The following NFKB2 variants were observed in gnomAD, a reference collection of about 807,000 sequenced individuals.
NFKB2 encodes the protein nuclear factor kappa B subunit 2, also known as nuclear factor NF-kappa-B p100 subunit.
A neutral mutation model predicts 109.3 loss-of-function variants in NFKB2; 21 were observed. The ratio of observed to expected loss-of-function variants is 0.19; its 90% CI spans 0.14 to 0.28. The LOEUF is 0.28. NFKB2 is among the 10% of genes least tolerant of loss of function. The pLI is 1.00. For missense variants in NFKB2, 806 were observed against 1,185.3 expected (o/e 0.68, Z 4.70); for synonymous variants, 478 against 489.9 (o/e 0.98, Z 0.32).
Position 102,396,536 on chromosome 10 carries a change from C to T in NFKB2, c.144+47C>T. ...TGTGGAATGGCTTCAGCTTTGGGGA[C>T]AAATGGGGTAGTGGTAGCTGGCTGG... On this transcript the variant is annotated intron_variant, in intron 4 of 22. Coordinates refer to ENST00000661543, the MANE Select transcript of NFKB2 (RefSeq NM_001322934.2). The surrounding 1 kb of genome is among the most constrained non-coding windows in gnomAD (Gnocchi z 5.9). 1 of 1,612,868 alleles carries T rather than the reference C, an allele frequency of 6.2e-7. No individual in the cohort carries two copies. The highest frequency in any genetic ancestry group is 8.5e-7 in the Non-Finnish European group (1 of 1,179,724).
chr10:102,400,632 G>A lies in NFKB2; in HGVS notation c.1799-23G>A. 2 of 1,612,470 alleles carry A rather than the reference G, an allele frequency of 1.2e-6. No homozygotes were observed. Among genetic ancestry groups the A allele is most frequent in the East Asian group, 2.2e-5 (1 of 44,830 alleles). ...GGCTGCCTTAAGGGTCACAGCTGCA[G>A]GTTGAGCATCCTGCATCCTTAGGAC... On this transcript the variant is annotated intron_variant, in intron 16 of 22. Transcript: ENST00000661543. This position sits in a 1 kb window ranked among gnomAD's most constrained non-coding sequence, Gnocchi z 6.3.
At chr10:102,395,420 G>A (rs893103606), upstream of NFKB2, among the ~76,000 whole-genome samples, 1 of 152,208 alleles carries the variant, frequency 6.6e-6, no homozygotes, top group Non-Finnish European at 1.5e-5. Flanking sequence ...CTCCAGACCG[G>A]GGGAGGGGAG....
Position 102,400,633 on chromosome 10 carries a change from G to A in NFKB2, c.1799-22G>A, listed in dbSNP as rs189331440. ...GCTGCCTTAAGGGTCACAGCTGCAG[G>A]TTGAGCATCCTGCATCCTTAGGACT... On this transcript the variant is annotated intron_variant, in intron 16 of 22. Transcript: ENST00000661543. This position sits in a 1 kb window ranked among gnomAD's most constrained non-coding sequence, Gnocchi z 6.3. 1.7e-4 allele frequency: 282 copies of A among 1,612,526 alleles called. No individual in the cohort carries two copies. In the Middle Eastern group the frequency reaches 2.1e-3, roughly 12 times the overall value.
rs2061205907 is a variant in NFKB2 at position 102,400,221 on chromosome 10, G to A, written c.1584+27G>A. The A allele has an allele frequency of 1.2e-6, 2 of 1,613,816 alleles. No homozygotes were observed. Among genetic ancestry groups the A allele is most frequent in the Admixed American group, 1.7e-5 (1 of 60,010 alleles). ...TGCGGGGGCGCCTACTGGGGAGGTG[G>A]GAGGGGTTGGAAGGCAAGTGGGTCT... is the stretch of plus-strand genomic sequence containing the variant. On this transcript the variant is annotated intron_variant, in intron 15 of 22. Transcript: ENST00000661543. The surrounding 1 kb of genome is among the most constrained non-coding windows in gnomAD (Gnocchi z 6.3).
intron 14 of NFKB2, 94 bp downstream of exon 14, chr10:102,399,812 G>A: frequency 7.0e-7 from 1 of 1,420,990 alleles, no homozygotes; most frequent in Non-Finnish European, 9.2e-7. Context: ...GACACGCCAG[G>A]CTTCAAGTCC....
Position 102,398,731 on chromosome 10 carries a change from G to GC in NFKB2, c.992-3dup. 5 of 1,612,202 alleles carry GC rather than the reference G, an allele frequency of 3.1e-6. No individual in the cohort carries two copies. Among genetic ancestry groups the GC allele is most frequent in the Non-Finnish European group, 4.2e-6 (5 of 1,180,002 alleles). On this transcript the variant is annotated splice_region_variant and splice_polypyrimidine_tract_variant and intron_variant, in intron 11 of 22. Coordinates refer to ENST00000661543, the MANE Select transcript of NFKB2 (RefSeq NM_001322934.2). This position sits in a 1 kb window ranked among gnomAD's most constrained non-coding sequence, Gnocchi z 6.6. ...ACTGGGCTCAATCTCATTTTCCTCT[G>GC]CCCCCAGACAAGGAAGAGGTGCAGC...
rs367930950 is a variant in NFKB2, at chr10:102,397,573, G to A, written c.549G>A (p.Lys183=). 1.9e-6 allele frequency: 3 copies of A among 1,613,920 alleles called. No homozygotes were observed. The highest frequency in any genetic ancestry group is 2.5e-6 in the Non-Finnish European group (3 of 1,179,906). The change falls in exon 8 of 23, where the codon AAG becomes AAA. Residue 183 remains lysine (K), a synonymous_variant. Coordinates refer to ENST00000661543, the MANE Select transcript of NFKB2 (RefSeq NM_001322934.2). This position sits in a 1 kb window ranked among gnomAD's most constrained non-coding sequence, Gnocchi z 4.7. ...AGCAAGAGGCCAAAGAACTGAAGAA[G>A]GTGATGGATCTGAGTATAGTGCGGC... ...ELEQEAKELK[K]VMDLSIVRLR...
chr10:102,397,441 G>A lies in NFKB2; in HGVS notation c.502+33G>A, dbSNP rs1411761602. 8 of 1,507,512 alleles carry A rather than the reference G, an allele frequency of 5.3e-6. No individual in the cohort carries two copies. Among genetic ancestry groups the A allele is most frequent in the Non-Finnish European group, 7.3e-6 (8 of 1,099,004 alleles). 93.4% of individuals were successfully genotyped at this position (1,507,512 alleles called of 1,614,324 possible). A position where few individuals can be genotyped will look rare whatever the true frequency, so the allele number is the denominator to read the frequency against. On this transcript the variant is annotated intron_variant, in intron 7 of 22. Coordinates refer to ENST00000661543, the MANE Select transcript of NFKB2 (RefSeq NM_001322934.2). This position sits in a 1 kb window ranked among gnomAD's most constrained non-coding sequence, Gnocchi z 4.7. ...TGCAGGGGGTGGGTCGGGTATGGGTGCAGGGGGTGGGTGGGTCATGGGAGG... is the reference window on the plus strand; with the variant it reads ...TGCAGGGGGTGGGTCGGGTATGGGTACAGGGGGTGGGTGGGTCATGGGAGG...
Position 102,400,889 on chromosome 10 carries a change from G to T in NFKB2, c.1969-58G>T, listed in dbSNP as rs1028873745. 51 of 1,583,008 alleles carry T rather than the reference G, an allele frequency of 3.2e-5. No homozygotes were observed. The highest frequency in any genetic ancestry group is 4.0e-5 in the Non-Finnish European group (46 of 1,162,992). The stretch of plus-strand genomic sequence containing the variant: ...GTGGAGGGGCCAAAGATGGTGAAGG[G>T]GGGGGCTGGCCAAGGGGACCATGCT... On this transcript the variant is annotated intron_variant, in intron 17 of 22. Coordinates refer to ENST00000661543, the MANE Select transcript of NFKB2 (RefSeq NM_001322934.2). This position sits in a 1 kb window ranked among gnomAD's most constrained non-coding sequence, Gnocchi z 6.3.
At chr10:102,394,344 C>G (rs2061061137), upstream of NFKB2, 1 of 152,306 alleles carries the variant, frequency 6.6e-6, no homozygotes, top group Non-Finnish European at 1.5e-5. Flanking sequence ...CACCCCGCTC[C>G]CCGCCCTGAG....
Position 102,396,774 on chromosome 10 carries a change from TGCCCGGTGCCTCCAGTGAGAAGG to T in NFKB2, c.198_220del (p.Gly67LysfsTer10). The T allele has an allele frequency of 6.2e-7, 1 of 1,613,402 alleles. No individual in the cohort carries two copies. Among genetic ancestry groups the T allele is most frequent in the Non-Finnish European group, 8.5e-7 (1 of 1,179,374 alleles). On this transcript the variant is annotated frameshift_variant, in exon 5 of 23. Transcript: ENST00000661543. LOFTEE classifies it high-confidence loss of function. The surrounding 1 kb of genome is among the most constrained non-coding windows in gnomAD (Gnocchi z 5.9). The stretch of plus-strand genomic sequence containing the variant: ...TGTGAAGGCCCCTCCCATGGAGGAC[TGCCCGGTGCCTCCAGTGAGAAGG>T]GCCGAAAGACCTATCCCACTGTCAA...
Position 102,400,754 on chromosome 10 carries a change from G to A in NFKB2, c.1898G>A (p.Gly633Glu). 6.2e-7 allele frequency: 1 copy of A among 1,612,892 alleles called. No individual in the cohort carries two copies. The highest frequency in any genetic ancestry group is 1.1e-5 in the South Asian group (1 of 90,878). The change falls in exon 17 of 23, where the codon GGG (glycine) becomes GAG (glutamate). Residue 633 changes from glycine (G) to glutamate (E), a missense_variant. Transcript: ENST00000661543. This position sits in a 1 kb window ranked among gnomAD's most constrained non-coding sequence, Gnocchi z 6.3. Reference protein sequence around the residue: ...GAEVEATERQGGRTALHLATE... With the variant: ...GAEVEATERQEGRTALHLATE... ...GAAGTGGAGGCCACAGAGCGGCAGGGGGGACGAACAGCCTTGCATCTAGCC... is the reference window on the plus strand; with the variant it reads ...GAAGTGGAGGCCACAGAGCGGCAGGAGGGACGAACAGCCTTGCATCTAGCC...
Position 102,401,504 on chromosome 10 carries a change from C to T in NFKB2, c.2279C>T (p.Pro760Leu), listed in dbSNP as rs759429094. 15 of 1,613,294 alleles carry T rather than the reference C, an allele frequency of 9.3e-6. No individual in the cohort carries two copies. The highest frequency in any genetic ancestry group is 1.7e-4 in the Middle Eastern group (1 of 5,930). The part of the protein sequence containing the change: ...AQNTMEPPLT[P>L]PSPAGPGLSL... ...AACACCATGGAGCCACCCCTGACCC[C>T]GCCCAGCCCAGCAGGTGAGAAGCAT... is the stretch of plus-strand genomic sequence containing the variant. The change falls in exon 20 of 23, where the codon CCG becomes CTG. Residue 760 changes from proline (P) to leucine (L), a missense_variant. Coordinates refer to ENST00000661543, the MANE Select transcript of NFKB2 (RefSeq NM_001322934.2). The surrounding 1 kb of genome is among the most constrained non-coding windows in gnomAD (Gnocchi z 4.2).
chr10:102,398,381 C>A lies in NFKB2; in HGVS notation c.853-4C>A. The A allele has an allele frequency of 6.2e-7, 1 of 1,614,002 alleles. No individual in the cohort carries two copies. Among genetic ancestry groups the A allele is most frequent in the Non-Finnish European group, 8.5e-7 (1 of 1,179,960 alleles). Reference sequence around the variant, plus strand: ...GACACCCTGTGTCTCCCTGCACCCCCCAGTATGCCATTGTGTTCCGGACAC... The same window carrying A: ...GACACCCTGTGTCTCCCTGCACCCCACAGTATGCCATTGTGTTCCGGACAC... On this transcript the variant is annotated splice_polypyrimidine_tract_variant and splice_region_variant and intron_variant, in intron 10 of 22. Transcript: ENST00000661543. The surrounding 1 kb of genome is among the most constrained non-coding windows in gnomAD (Gnocchi z 6.6).
chr10:102,397,185 G>A lies in NFKB2; in HGVS notation c.396-117G>A. ...GTTGGCCCCAAACCCAAGGGCCTAA[G>A]TAGAAACTCCAATGGCTTCCTTGAG... On this transcript the variant is annotated intron_variant, in intron 6 of 22. Transcript: ENST00000661543. This position sits in a 1 kb window ranked among gnomAD's most constrained non-coding sequence, Gnocchi z 4.7. 2.0e-6 allele frequency: 3 copies of A among 1,533,164 alleles called. No individual in the cohort carries two copies. Among genetic ancestry groups the A allele is most frequent in the South Asian group, 1.2e-5 (1 of 83,908 alleles). The allele number at this position is 1,533,164 out of a possible 1,614,324, so 95.0% of individuals were successfully genotyped here.
chr10:102,394,130 C>T (rs967204530), upstream of NFKB2: 6 of 152,318 alleles, frequency 3.9e-5, no homozygotes, highest in African/African-American at 1.4e-4. Flanking sequence ...CGCTAACTTC[C>T]CGGCAGCGCG....
Position 102,398,339 on chromosome 10 carries a change from T to A in NFKB2, c.852+42T>A. On this transcript the variant is annotated intron_variant, in intron 10 of 22. Coordinates refer to ENST00000661543, the MANE Select transcript of NFKB2 (RefSeq NM_001322934.2). The surrounding 1 kb of genome is among the most constrained non-coding windows in gnomAD (Gnocchi z 6.6). ...CCCGGGCCCGGGCTGGGGGCTAAAT[T>A]AGGCTAAGGACTCACTGACACCCTG... 3 of 1,613,958 alleles carry A rather than the reference T, an allele frequency of 1.9e-6. No homozygotes were observed. Among genetic ancestry groups the A allele is most frequent in the Non-Finnish European group, 2.5e-6 (3 of 1,179,952 alleles).
rs920445238 is a variant in NFKB2 at position 102,399,307 on chromosome 10, C to T, written c.1137C>T (p.Phe379=). 9 of 1,599,070 alleles carry T rather than the reference C, an allele frequency of 5.6e-6. No individual in the cohort carries two copies. The highest frequency in any genetic ancestry group is 7.7e-6 in the Non-Finnish European group (9 of 1,173,376). ...CCACAGGTGGCAGCCTCGGTTTCTT[C>T]CCCTCCTCCCTGGCCTACAGCCCCT... is the stretch of plus-strand genomic sequence containing the variant. ...GAGGGGSLGF[F]PSSLAYSPYQ... The change falls in exon 13 of 23, where the codon TTC becomes TTT. Residue 379 remains phenylalanine (F), a synonymous_variant. Coordinates refer to ENST00000661543, the MANE Select transcript of NFKB2 (RefSeq NM_001322934.2).
In NFKB2 at chr10:102,398,736, C is replaced by T. The variant is rs2061161483; in HGVS notation, c.992-3C>T. 1 of 1,612,172 alleles carries T rather than the reference C, an allele frequency of 6.2e-7. No homozygotes were observed. The highest frequency in any genetic ancestry group is 1.3e-5 in the African/African-American group (1 of 74,880). On this transcript the variant is annotated splice_polypyrimidine_tract_variant and splice_region_variant and intron_variant, in intron 11 of 22. Coordinates refer to ENST00000661543, the MANE Select transcript of NFKB2 (RefSeq NM_001322934.2). This position sits in a 1 kb window ranked among gnomAD's most constrained non-coding sequence, Gnocchi z 6.6. ...GCTCAATCTCATTTTCCTCTGCCCCCAGACAAGGAAGAGGTGCAGCGGAAG... is the reference window on the plus strand; with the variant it reads ...GCTCAATCTCATTTTCCTCTGCCCCTAGACAAGGAAGAGGTGCAGCGGAAG...
Sources: allele counts gnomAD v4.1 joint callset (sites outside exome capture counted in the v4.1 genomes callset), GRCh38; gene constraint gnomAD v4.1.1; non-coding constraint Gnocchi (gnomAD v3.1); transcripts MANE v1.5; gene names NCBI Gene and HGNC (gene_info 2026-07-23, HGNC 2026-07-21).